MYBPC1: variants seen among roughly 807,000 people sequenced by gnomAD.
MYBPC1 encodes the protein myosin-binding protein C, slow-type.
A neutral mutation model predicts 147.1 loss-of-function variants in MYBPC1; 52 were observed. The ratio of observed to expected loss-of-function variants is 0.35; its 90% CI spans 0.28 to 0.45. The LOEUF is 0.45. MYBPC1 is among the 20% of genes least tolerant of loss of function. The pLI is 1.00. For synonymous variants in MYBPC1, 477 were observed against 475.9 expected, an observed-to-expected ratio of 1.00 and a Z score of -0.03; for missense variants, 1,228 against 1,440.3, an observed-to-expected ratio of 0.85 and a Z score of 2.39.
rs558378109 is a variant in MYBPC1, at chr12:101,675,507, C to T, written c.2949+76C>T. On this transcript the variant is annotated intron_variant, in intron 26 of 31. Coordinates refer to ENST00000361466, the MANE Select transcript of MYBPC1 (RefSeq NM_002465.4). Reference sequence around the variant, plus strand: ...AGAGGTAAAGGAGATGGCACAAGGGCCTCACTGGTAAGGAGCCAACTGGGG... The same window carrying T: ...AGAGGTAAAGGAGATGGCACAAGGGTCTCACTGGTAAGGAGCCAACTGGGG... 7.4e-5 allele frequency: 118 copies of T among 1,597,856 alleles called. No homozygotes were observed. In the East Asian group the frequency reaches 2.4e-3, roughly 32 times the overall value.
At chr12:101,655,686 T>C (rs993344143) in intron 18 of MYBPC1, among the ~76,000 whole-genome samples, 5 of 152,148 alleles carry the variant, frequency 3.3e-5, no homozygotes, top group Non-Finnish European at 7.4e-5. Context: ...CCCTCTGAAA[T>C]TATCTTTCAA....
rs577991825 is a variant in MYBPC1, at chr12:101,598,626, T to G, written c.25+3531T>G. On this transcript the variant is annotated intron_variant, in intron 1 of 31. Transcript: ENST00000361466. ...TCTCATTCTGTCACCCAGGCTGGAA[T>G]GCAGTGGTGCAATCATGGCTCACTG... Among the ~76,000 whole-genome samples the G allele has an allele frequency of 5.9e-5, 9 of 152,294 alleles. No homozygotes were observed. In the East Asian group the frequency reaches 1.7e-3, roughly 29 times the overall value.
chr12:101,599,565 A>G (rs922950959), intron 1 of MYBPC1, among the ~76,000 whole-genome samples: 2 of 152,150 alleles, frequency 1.3e-5, no homozygotes, highest in Non-Finnish European at 2.9e-5. Context: ...CCTGCAAGAG[A>G]GTGAATGGCC....
In MYBPC1 at chr12:101,680,314, G is replaced by T; in HGVS notation, c.3247-29G>T. 1.9e-6 allele frequency: 3 copies of T among 1,602,936 alleles called. No individual in the cohort carries two copies. The South Asian group carries it at 3.3e-5, about 18-fold the overall frequency. On this transcript the variant is annotated intron_variant, in intron 28 of 31. Coordinates refer to ENST00000361466, the MANE Select transcript of MYBPC1 (RefSeq NM_002465.4). Reference sequence around the variant, plus strand: ...AATATGCCAATTACAGATATGTTTTGACCTAAGTTTCTTCAATTTGAACTT... The same window carrying T: ...AATATGCCAATTACAGATATGTTTTTACCTAAGTTTCTTCAATTTGAACTT...
At chr12:101,641,518 A>G (rs900146463) in intron 10 of MYBPC1, among the ~76,000 whole-genome samples, 3 of 152,164 alleles carry the variant, frequency 2.0e-5, no homozygotes, top group Admixed American at 6.5e-5. Flanking sequence ...TAACACATAT[A>G]TGTTCTTTAT....
At chr12:101,655,569 T>C (rs944078964) in intron 18 of MYBPC1, among the ~76,000 whole-genome samples, 1 of 152,198 alleles carries the variant, frequency 6.6e-6, no homozygotes, top group Non-Finnish European at 1.5e-5. Flanking sequence ...CAACTCCTCT[T>C]ACATATGTCA....
chr12:101,693,556 C>G, the MYBPC1 span, among the ~76,000 whole-genome samples: 1 of 152,132 alleles, frequency 6.6e-6, no homozygotes, highest in East Asian at 1.9e-4. Flanking sequence ...GCCTGGCCAA[C>G]ATGGCGAAAC....
intron 6 of MYBPC1, among the ~76,000 whole-genome samples, chr12:101,630,468 G>A (rs1232835445): frequency 6.6e-6 from 1 of 152,132 alleles, no homozygotes; most frequent in Admixed American, 6.5e-5. Context: ...GACAAGAATA[G>A]GACCTAGCTG....
intron 30 of MYBPC1, 111 bp from the exon 31 acceptor site, chr12:101,684,271 A>G: frequency 1.2e-6 from 1 of 853,242 alleles, no homozygotes; most frequent in African/African-American, 1.6e-5. Context: ...TAATGAAATC[A>G]CCTCTTCATA....
In MYBPC1 at chr12:101,670,403, T is replaced by C. The variant is rs1898387661; in HGVS notation, c.2607T>C (p.Pro869=). ...GAGAAGCTGTCAATCTGGTTATACC[T>C]TTCCAGGTAAGAGTTCAAGGGTCGC... is the stretch of plus-strand genomic sequence containing the variant. ...RVGEAVNLVI[P]FQGKPRPELT... The change falls in exon 24 of 32, where the codon CCT becomes CCC. Residue 869 remains proline (P), a synonymous_variant. Transcript: ENST00000361466. 1 of 1,613,236 alleles carries C rather than the reference T, an allele frequency of 6.2e-7. No individual in the cohort carries two copies. Among genetic ancestry groups the C allele is most frequent in the African/African-American group, 1.3e-5 (1 of 74,890 alleles).
intron 1 of MYBPC1, among the ~76,000 whole-genome samples, chr12:101,605,186 T>C (rs1565881084): frequency 6.6e-6 from 1 of 152,248 alleles, no homozygotes; most frequent in African/African-American, 2.4e-5. Context: ...GAATTCTGCA[T>C]AGGGTAGGTG....
At chr12:101,653,307 A>G (rs1414759899) in intron 18 of MYBPC1, 59 bp downstream of exon 18, 1 of 1,594,914 alleles carries the variant, frequency 6.3e-7, no homozygotes, top group African/African-American at 1.3e-5. Context: ...CACACTGCCT[A>G]CCCCACCCCT....
At chr12:101,677,464 G>A (rs1214404311) in intron 27 of MYBPC1, 70 bp downstream of exon 27, 9 of 1,572,380 alleles carry the variant, frequency 5.7e-6, no homozygotes, top group East Asian at 2.2e-5. Flanking sequence ...ACTGGAAAAA[G>A]AGATGTGGTG....
intron 6 of MYBPC1, among the ~76,000 whole-genome samples, chr12:101,630,770 C>T (rs374070666): frequency 7.3e-4 from 111 of 152,238 alleles, no homozygotes; most frequent in African/African-American, 2.6e-3. Flanking sequence ...ATGCCAAGTG[C>T]TATGAAGGGA....
the MYBPC1 span, among the ~76,000 whole-genome samples, chr12:101,691,878 G>A: frequency 6.6e-6 from 1 of 152,194 alleles, no homozygotes; most frequent in African/African-American, 2.4e-5. Context: ...TGGGCAAGGA[G>A]GCTGATCAAT....
intron 1 of MYBPC1, among the ~76,000 whole-genome samples, chr12:101,605,785 C>T (rs1053740690): frequency 6.6e-6 from 1 of 152,074 alleles, no homozygotes; most frequent in Non-Finnish European, 1.5e-5. Flanking sequence ...TCTCTTGAAC[C>T]TGGGAGGCAG....
chr12:101,681,570 ATATATATATATATATATATATATTTTTTT>A (rs1442048210), intron 29 of MYBPC1, among the ~76,000 whole-genome samples: 98 of 16,536 alleles, frequency 5.9e-3, no homozygotes, highest in South Asian at 0.034. Context: ...ATATATATAT[ATATATATATATATATATATATATTTTTTT>A]TTTTTTTTTT....
At chr12:101,679,185 C>T (rs1221194167) in intron 28 of MYBPC1, among the ~76,000 whole-genome samples, 1 of 150,196 alleles carries the variant, frequency 6.7e-6, no homozygotes. Context: ...AGGAAGAAGT[C>T]AGACTAAGGA....
intron 8 of MYBPC1, among the ~76,000 whole-genome samples, 158 bp from the exon 9 acceptor site, chr12:101,634,396 G>C (rs1420311236): frequency 6.6e-6 from 1 of 152,164 alleles, no homozygotes; most frequent in Non-Finnish European, 1.5e-5. Flanking sequence ...GGAGGAGGAG[G>C]TATGATGAGG....
Sources: allele counts gnomAD v4.1 joint callset (sites outside exome capture counted in the v4.1 genomes callset), GRCh38; gene constraint gnomAD v4.1.1; transcripts MANE v1.5; gene names NCBI Gene and HGNC (gene_info 2026-07-23, HGNC 2026-07-21).